Variants in CLHC1 observed in about 807,000 individuals in gnomAD.
The protein encoded by CLHC1 is clathrin heavy chain linker domain containing 1.
Under a neutral mutation model 69.5 loss-of-function variants are expected in CLHC1, and 72 were observed. The observed-to-expected ratio is 1.04, with a 90% CI of 0.86 to 1.26. CLHC1 has a LOEUF of 1.26. CLHC1 is among the 50% of genes most tolerant of loss of function. The probability of loss-of-function intolerance (pLI) is 0.00; values close to 1 mark genes in which losing one functional copy is unlikely to be tolerated. For synonymous variants in CLHC1, 223 were observed against 224.3 expected (o/e 0.99, Z 0.05); for missense variants, 790 against 679.3 (o/e 1.16, Z -1.81).
chr2:55,182,450 G>C (rs1670021716), intron 9 of CLHC1, among the ~76,000 whole-genome samples: 1 of 152,160 alleles, frequency 6.6e-6, no homozygotes, highest in Non-Finnish European at 1.5e-5. Flanking sequence ...CTCAATGCTT[G>C]AACTTGCAGG....
chr2:55,199,711 G>T (rs1447890700), intron 9 of CLHC1, among the ~76,000 whole-genome samples: 1 of 151,988 alleles, frequency 6.6e-6, no homozygotes, highest in Non-Finnish European at 1.5e-5. Context: ...CAAGTCTCAT[G>T]ATAACCTCAA....
chr2:55,217,717 A>T, intron 4 of CLHC1, 94 bp downstream of exon 4: 1 of 713,032 alleles, frequency 1.4e-6, no homozygotes, highest in Non-Finnish European at 2.1e-6. Flanking sequence ...TTGAAATTCA[A>T]TAAGACTAAG....
chr2:55,230,794 G>A (rs527339287), intron 1 of CLHC1, among the ~76,000 whole-genome samples: 1 of 152,288 alleles, frequency 6.6e-6, no homozygotes, highest in South Asian at 2.1e-4. Flanking sequence ...GCAACATGGA[G>A]GTCATTAGTG....
At chr2:55,221,083 T>C (rs1021431830) in intron 3 of CLHC1, among the ~76,000 whole-genome samples, 10 of 152,214 alleles carry the variant, frequency 6.6e-5, no homozygotes, top group Admixed American at 3.9e-4. Flanking sequence ...GGCACTAGGT[T>C]TTTATTTAGA....
chr2:55,213,576 G>C (rs893781022), intron 4 of CLHC1, among the ~76,000 whole-genome samples: 1 of 151,270 alleles, frequency 6.6e-6, no homozygotes, highest in Non-Finnish European at 1.5e-5. Flanking sequence ...CCTAGAGCTA[G>C]AGGAAGGACA....
chr2:55,196,006 A>G (rs965763799), intron 9 of CLHC1, among the ~76,000 whole-genome samples: 1 of 152,054 alleles, frequency 6.6e-6, no homozygotes, highest in Non-Finnish European at 1.5e-5. Flanking sequence ...GCCACGTGCC[A>G]TGGAGAACCT....
rs1005391583 is a variant in CLHC1, at chr2:55,173,465, T to C, written c.*2325A>G. On this transcript the variant is annotated 3_prime_UTR_variant, in exon 13 of 13. Coordinates refer to ENST00000401408, the MANE Select transcript of CLHC1 (RefSeq NM_152385.4). ...AGGTCAAGAAGCATTGGGAAATAAT[T>C]TGTACCTTTTCAGAATTACTGAATT... Among the ~76,000 whole-genome samples the C allele has an allele frequency of 6.6e-6, 1 of 152,204 alleles. No homozygotes were observed. Among genetic ancestry groups the C allele is most frequent in the African/African-American group, 2.4e-5 (1 of 41,456 alleles).
chr2:55,175,828 C>A lies in CLHC1; in HGVS notation c.1723G>T (p.Asp575Tyr). The A allele has an allele frequency of 1.2e-6, 2 of 1,614,020 alleles. No homozygotes were observed. Among genetic ancestry groups the A allele is most frequent in the Non-Finnish European group, 1.7e-6 (2 of 1,179,972 alleles). The change falls in exon 13 of 13, where the codon GAT (aspartate) becomes TAT (tyrosine). Residue 575 changes from aspartate (D) to tyrosine (Y), a missense_variant. Transcript: ENST00000401408. ...QAAVTEISEE[D>Y]DAVNLMEHVF... ...TGTTCCATTAGGTTGACTGCGTCAT[C>A]CTCTTCAGAAATTTCTGTAACTGCA...
intron 9 of CLHC1, among the ~76,000 whole-genome samples, chr2:55,202,897 CA>C (rs34307486): frequency 0.42 from 38,814 of 93,266 alleles, 4,619 homozygotes; most frequent in African/African-American, 0.5. Flanking sequence ...AGACTCATCT[CA>C]AAAAAAAAAA....
At chr2:55,193,580 A>G (rs1671129371) in intron 9 of CLHC1, among the ~76,000 whole-genome samples, 1 of 152,172 alleles carries the variant, frequency 6.6e-6, no homozygotes, top group Admixed American at 6.5e-5. Context: ...AATAAAAACC[A>G]CAATGAGATA....
chr2:55,175,006 T>A lies in CLHC1; in HGVS notation c.*784A>T, dbSNP rs1669259409. 3 of 152,148 alleles carry A rather than the reference T, an allele frequency of 2.0e-5. No individual in the cohort carries two copies. 9.4% of individuals were successfully genotyped at this position (152,148 alleles called of 1,614,324 possible). On this transcript the variant is annotated 3_prime_UTR_variant, in exon 13 of 13. Transcript: ENST00000401408. ...AGGGCTAAAGGCTGTTCTGATTAAT[T>A]AGGTATCTGTTCTGCTTGATTTGTG... is the stretch of plus-strand genomic sequence containing the variant.
chr2:55,180,564 C>T lies in CLHC1; in HGVS notation c.1330G>A (p.Gly444Ser), dbSNP rs774103113. Residue 444 changes from glycine to serine, a missense_variant, in exon 11 of 13, where the codon GGT becomes AGT. Transcript: ENST00000401408. ...TACTCCATGACCCTATGAGTCTGAC[C>T]CTGTTTACACAAGCAAAGAATAGCT... ...KKAILCLCKQ[G>S]QTHRVMEYIQ... 14 of 1,614,074 alleles carry T rather than the reference C, an allele frequency of 8.7e-6. No homozygotes were observed. Among genetic ancestry groups the T allele is most frequent in the Non-Finnish European group, 1.2e-5 (14 of 1,180,000 alleles).
At chr2:55,197,291 A>C (rs1671517018) in intron 9 of CLHC1, among the ~76,000 whole-genome samples, 1 of 152,218 alleles carries the variant, frequency 6.6e-6, no homozygotes, top group Non-Finnish European at 1.5e-5. Flanking sequence ...AAGGAAAAAA[A>C]ACAAGCCTGG....
At chr2:55,215,033 T>C (rs1259567364) in intron 4 of CLHC1, 16 of 152,216 alleles carry the variant, frequency 1.1e-4, no homozygotes, top group Admixed American at 9.8e-4. Context: ...TCTTTGGGTT[T>C]GTTGAATCTG....
At chr2:55,215,584 G>A (rs898667995) in intron 4 of CLHC1, among the ~76,000 whole-genome samples, 6 of 152,138 alleles carry the variant, frequency 3.9e-5, no homozygotes, top group Non-Finnish European at 8.8e-5. Context: ...TTTCCTTGCG[G>A]TCCCAGGGGT....
intron 3 of CLHC1, among the ~76,000 whole-genome samples, chr2:55,219,045 T>C (rs1292750908): frequency 6.6e-6 from 1 of 152,130 alleles, no homozygotes; most frequent in African/African-American, 2.4e-5. Context: ...GATATTTGAG[T>C]GGGTGATACT....
chr2:55,194,369 T>C (rs1671202136), intron 9 of CLHC1, among the ~76,000 whole-genome samples: 1 of 152,036 alleles, frequency 6.6e-6, no homozygotes, highest in Non-Finnish European at 1.5e-5. Context: ...CTGATCAAAG[T>C]TCTCAGCAAC....
intron 10 of CLHC1, 57 bp downstream of exon 10, chr2:55,181,513 A>G (rs1669929230): frequency 7.6e-7 from 1 of 1,323,432 alleles, no homozygotes; most frequent in African/African-American, 1.5e-5. Context: ...TATTTTTAGA[A>G]CAAACAACTT....
Position 55,222,533 on chromosome 2 carries a change from T to C in CLHC1, c.-82-40A>G, listed in dbSNP as rs1382086555. 10 of 682,370 alleles carry C rather than the reference T, an allele frequency of 1.5e-5. No homozygotes were observed. In the East Asian group the frequency reaches 2.9e-4, roughly 20 times the overall value. The allele number at this position is 682,370 out of a possible 1,614,324, so 42.3% of individuals were successfully genotyped here. A position where few individuals can be genotyped will look rare whatever the true frequency, so the allele number is the denominator to read the frequency against. On this transcript the variant is annotated intron_variant, in intron 2 of 12. Transcript: ENST00000401408. ...GAGCATCAATTAATATAATAATTTT[T>C]TAACTTAAGTCAAATATTGATCTAA...
Sources: allele counts gnomAD v4.1 joint callset (sites outside exome capture counted in the v4.1 genomes callset), GRCh38; gene constraint gnomAD v4.1.1; transcripts MANE v1.5; gene names NCBI Gene and HGNC (gene_info 2026-07-23, HGNC 2026-07-21).